PANK2: variants seen among roughly 807,000 people sequenced by gnomAD.
The protein encoded by PANK2 is pantothenate kinase 2, mitochondrial.
PANK2 carries 36 observed loss-of-function variants against 43.1 expected under a neutral mutation model. The ratio of observed to expected loss-of-function variants is 0.84; its 90% CI spans 0.64 to 1.10. The LOEUF is 1.10. PANK2 is among the 50% of genes least tolerant of loss of function. The probability of loss-of-function intolerance (pLI) is 0.00; values close to 1 mark genes in which losing one functional copy is unlikely to be tolerated. For missense variants in PANK2, 576 were observed against 593.3 expected (o/e 0.97, Z 0.30); for synonymous variants, 281 against 238.2 (o/e 1.18, Z -1.66).
Position 3,928,702 on chromosome 20 carries a change from C to G in PANK2, c.*5408C>G, listed in dbSNP as rs1490890283. The G allele has an allele frequency of 4.2e-5, 5 of 119,494 alleles. No individual in the cohort carries two copies. Among genetic ancestry groups the G allele is most frequent in the African/African-American group, 1.6e-4 (5 of 32,150 alleles). The allele number at this position is 119,494 out of a possible 1,614,324, so 7.4% of individuals were successfully genotyped here. On this transcript the variant is annotated 3_prime_UTR_variant, in exon 7 of 7. Transcript: ENST00000610179. ...GGCGGAGCTTGCAGTGGGCCAAGAT[C>G]GTGCCACTGCATTCCAGCCTGGGTG...
intron 4 of PANK2, among the ~76,000 whole-genome samples, chr20:3,914,030 C>G (rs534221871): frequency 1.2e-4 from 18 of 151,222 alleles, no homozygotes; most frequent in Non-Finnish European, 1.9e-4. Context: ...ACCTCATGAT[C>G]CGCCCGCCTT....
intron 1 of PANK2, among the ~76,000 whole-genome samples, chr20:3,901,057 T>C (rs1241696690): frequency 6.6e-6 from 1 of 151,068 alleles, no homozygotes; most frequent in Non-Finnish European, 1.5e-5. Context: ...GGCTTTATTA[T>C]TTATTTATTT....
chr20:3,895,774 T>C (rs924152346), intron 1 of PANK2, among the ~76,000 whole-genome samples: 11 of 152,172 alleles, frequency 7.2e-5, no homozygotes, highest in Non-Finnish European at 1.6e-4. Flanking sequence ...CTCAGTTTTT[T>C]AGTAGTTCGT....
In PANK2 at chr20:3,917,201, T is replaced by C. The variant is rs2090575469; in HGVS notation, c.1206+151T>C. On this transcript the variant is annotated intron_variant, in intron 5 of 6. Coordinates refer to ENST00000610179, the MANE Select transcript of PANK2 (RefSeq NM_001386393.1). Reference sequence around the variant, plus strand: ...GAAGTTAAAACTCTTCAAATACAGATTAATCTTCTTTTTTTTTTTTTTAAA... The same window carrying C: ...GAAGTTAAAACTCTTCAAATACAGACTAATCTTCTTTTTTTTTTTTTTAAA... 4 of 904,400 alleles carry C rather than the reference T, an allele frequency of 4.4e-6. No individual in the cohort carries two copies. The African/African-American group carries it at 5.1e-5, about 12-fold the overall frequency. 56.0% of individuals were successfully genotyped at this position (904,400 alleles called of 1,614,324 possible).
In PANK2 at chr20:3,929,155, A is replaced by C. The variant is rs899254981; in HGVS notation, c.*5861A>C. On this transcript the variant is annotated 3_prime_UTR_variant, in exon 7 of 7. Coordinates refer to ENST00000610179, the MANE Select transcript of PANK2 (RefSeq NM_001386393.1). Reference sequence around the variant, plus strand: ...CAGGCGTGAGCCATCGCGCCCGACCAGAAGCATTTTCTTTTCAAAGTGTGT... The same window carrying C: ...CAGGCGTGAGCCATCGCGCCCGACCCGAAGCATTTTCTTTTCAAAGTGTGT... The C allele has an allele frequency of 6.6e-6, 1 of 152,270 alleles. No homozygotes were observed. The highest frequency in any genetic ancestry group is 1.5e-5 in the Non-Finnish European group (1 of 68,104). The allele number at this position is 152,270 out of a possible 1,614,324, so 9.4% of individuals were successfully genotyped here.
intron 3 of PANK2, 32 bp from the exon 4 acceptor site, chr20:3,912,421 AATGTT>A (rs758830985): frequency 6.2e-7 from 1 of 1,605,232 alleles, no homozygotes; most frequent in South Asian, 1.1e-5. Flanking sequence ...TATTTTTAAA[AATGTT>A]ATAATACTGT....
intron 1 of PANK2, 25 bp from the exon 2 acceptor site, chr20:3,907,901 T>C (rs754247952): frequency 1.2e-6 from 2 of 1,602,112 alleles, no homozygotes; most frequent in Admixed American, 3.3e-5. Flanking sequence ...AAAGCTGTTC[T>C]GACTTATTTT....
rs1474530831 is a variant in PANK2 at position 3,910,797 on chromosome 20, C to T, written c.872C>T (p.Ser291Phe). Residue 291 changes from serine (S) to phenylalanine (F), a missense_variant, in exon 3 of 7, where the codon TCC becomes TTC. Physicochemically the swap from Ser to Phe is radical, Grantham distance 155 (BLOSUM62 -2). Coordinates refer to ENST00000610179, the MANE Select transcript of PANK2 (RefSeq NM_001386393.1). ...GGGGTTAGCATCTTAGCAGTATATT[C>T]CAAAGATAATTACAAACGGGTCACA... The T allele has an allele frequency of 1.2e-6, 2 of 1,613,944 alleles. No homozygotes were observed. Among genetic ancestry groups the T allele is most frequent in the Non-Finnish European group, 1.7e-6 (2 of 1,180,004 alleles).
chr20:3,889,782 A>G (rs1399916090), intron 1 of PANK2, 54 bp downstream of exon 1: 4 of 822,876 alleles, frequency 4.9e-6, no homozygotes, highest in Admixed American at 2.5e-5. Flanking sequence ...CTTCCGGCCC[A>G]CCCTGTCCCC....
intron 3 of PANK2, 63 bp downstream of exon 3, chr20:3,910,893 T>C (rs2090458790): frequency 2.0e-5 from 31 of 1,586,588 alleles, no homozygotes; most frequent in Middle Eastern, 3.3e-4. Flanking sequence ...TTTTCAGGTA[T>C]TACATGTAAC....
chr20:3,914,083 C>CCGCCAGTTTTAGCTCT (rs2090521106), intron 4 of PANK2, among the ~76,000 whole-genome samples: 3 of 151,974 alleles, frequency 2.0e-5, no homozygotes, highest in South Asian at 2.1e-4. Context: ...GCCACTGCGC[C>CCGCCAGTTTTAGCTCT]TGGCCTGCAC....
intron 1 of PANK2, among the ~76,000 whole-genome samples, chr20:3,894,618 G>A (rs1052945802): frequency 2.0e-5 from 3 of 151,246 alleles, no homozygotes; most frequent in Non-Finnish European, 2.9e-5. Flanking sequence ...TTACTCTGTC[G>A]CCCAGGCTGG....
At chr20:3,903,726 C>T (rs2090343205) in intron 1 of PANK2, among the ~76,000 whole-genome samples, 1 of 151,408 alleles carries the variant, frequency 6.6e-6, no homozygotes, top group Non-Finnish European at 1.5e-5. Context: ...CTCCTGGGAT[C>T]AAGCGATTCT....
chr20:3,917,414 G>T (rs2090579264), intron 5 of PANK2: 1 of 534,806 alleles, frequency 1.9e-6, no homozygotes. Flanking sequence ...GAATCCAGAG[G>T]AAGTCACGGA....
Position 3,926,083 on chromosome 20 carries a change from A to G in PANK2, c.*2789A>G, listed in dbSNP as rs1270175356. 6.6e-6 allele frequency: 1 copy of G among 152,362 alleles called. No homozygotes were observed. The highest frequency in any genetic ancestry group is 1.5e-5 in the Non-Finnish European group (1 of 68,230). The allele number at this position is 152,362 out of a possible 1,614,324, so 9.4% of individuals were successfully genotyped here. On this transcript the variant is annotated 3_prime_UTR_variant, in exon 7 of 7. Transcript: ENST00000610179. ...GGGGAGAAGTGGATGGCCAGAATGG[A>G]GAGATGCTTAGAGGGCTGTGTTGGG...
At position 3,889,515 on chromosome 20, in the gene PANK2, G is replaced by T; in HGVS notation, c.85G>T (p.Ala29Ser). 6.9e-7 allele frequency: 1 copy of T among 1,442,732 alleles called. No homozygotes were observed. 89.4% of individuals were successfully genotyped at this position (1,442,732 alleles called of 1,614,324 possible). Residue 29 changes from alanine to serine, a missense_variant, in exon 1 of 7, where the codon GCT (alanine) becomes TCT (serine). Around this residue, in one of 2 missense-constraint regions of PANK2, gnomAD observed 544 missense variants for 528.9 expected, o/e 1.03. Transcript: ENST00000610179. Reference sequence around the variant, plus strand: ...CGCGCCCATGGAGCGCCACGGCAGGGCTTCCGCCACCTCCGTCTCGTCGGC... The same window carrying T: ...CGCGCCCATGGAGCGCCACGGCAGGTCTTCCGCCACCTCCGTCTCGTCGGC...
At chr20:3,891,254 T>C (rs957977476) in intron 1 of PANK2, 1 of 152,150 alleles carries the variant, frequency 6.6e-6, no homozygotes, top group Non-Finnish European at 1.5e-5. Flanking sequence ...AGATGGGATC[T>C]CTTATGTTGC....
chr20:3,925,497 G>A lies in PANK2; in HGVS notation c.*2203G>A, dbSNP rs1371975991. 1 of 152,336 alleles carries A rather than the reference G, an allele frequency of 6.6e-6. No homozygotes were observed. The highest frequency in any genetic ancestry group is 1.5e-5 in the Non-Finnish European group (1 of 68,168). The allele number at this position is 152,336 out of a possible 1,614,324, so 9.4% of individuals were successfully genotyped here. Reference sequence around the variant, plus strand: ...GATCCGCCTGCCTTGGCCTCCCAAAGTGCTGGGAATACAGGTGTGAGCCCC... The same window carrying A: ...GATCCGCCTGCCTTGGCCTCCCAAAATGCTGGGAATACAGGTGTGAGCCCC... On this transcript the variant is annotated 3_prime_UTR_variant, in exon 7 of 7. Transcript: ENST00000610179.
At chr20:3,906,823 G>A (rs563289825) in intron 1 of PANK2, among the ~76,000 whole-genome samples, 3 of 151,986 alleles carry the variant, frequency 2.0e-5, no homozygotes, top group East Asian at 1.9e-4. Flanking sequence ...TCTTTGAGAC[G>A]GAGTGTCACT....
Sources: gnomAD v4.1 joint callset for allele counts (sites outside exome capture counted in the v4.1 genomes callset) on GRCh38, gnomAD v4.1.1 for gene constraint, gnomAD v4.1.1 regional missense constraint, MANE v1.5 for transcripts, NCBI Gene and HGNC (gene_info 2026-07-23, HGNC 2026-07-21) for gene names.